Variants in CEP192 observed in about 807,000 individuals in gnomAD.
CEP192 encodes the protein centrosomal protein of 192 kDa.
CEP192 carries 151 observed loss-of-function variants against 271.8 expected under a neutral mutation model. The observed-to-expected ratio is 0.56, with a 90% confidence interval of 0.49 to 0.64. CEP192 has a LOEUF of 0.64. CEP192 is among the 30% of genes least tolerant of loss of function. CEP192 has a pLI of 0.00. For missense variants in CEP192, 2,910 were observed against 3,020.5 expected (o/e 0.96, Z 0.86); for synonymous variants, 995 against 1,076.5 (o/e 0.92, Z 1.48).
intron 19 of CEP192, 97 bp from the exon 20 acceptor site, chr18:13,057,488 A>C: frequency 1.5e-6 from 2 of 1,361,854 alleles, no homozygotes; most frequent in Non-Finnish European, 1.0e-6. Flanking sequence ...CTGTGTAAAC[A>C]GGCCATCTTA....
chr18:13,010,653 C>G (rs1439886838), intron 4 of CEP192, among the ~76,000 whole-genome samples: 1 of 152,096 alleles, frequency 6.6e-6, no homozygotes, highest in Non-Finnish European at 1.5e-5. Context: ...TCAAGACCAG[C>G]CTGACCAACA....
At chr18:13,002,353 C>G (rs7243977) in intron 3 of CEP192, among the ~76,000 whole-genome samples, 20,699 of 151,920 alleles carry the variant, frequency 0.14, 2,176 homozygotes, top group African/African-American at 0.29. Flanking sequence ...GTATTATGTT[C>G]AGTTTTCAAT....
chr18:13,078,811 T>C (rs1265639130), intron 30 of CEP192, among the ~76,000 whole-genome samples: 1 of 152,084 alleles, frequency 6.6e-6, no homozygotes, highest in African/African-American at 2.4e-5. Flanking sequence ...CAGGCCCCCA[T>C]GTGTGTGATG....
intron 40 of CEP192, among the ~76,000 whole-genome samples, chr18:13,109,837 G>A (rs897542598): frequency 2.0e-5 from 3 of 152,106 alleles, no homozygotes; most frequent in Admixed American, 1.3e-4. Context: ...AATTTTACAC[G>A]AAAAGCATTT....
chr18:13,084,347 C>G (rs1223639107), intron 30 of CEP192, among the ~76,000 whole-genome samples: 2 of 152,172 alleles, frequency 1.3e-5, no homozygotes, highest in African/African-American at 4.8e-5. Flanking sequence ...CCCCTCCCCC[C>G]GTCAGGCTAC....
At chr18:13,035,807 C>T (rs569905046) in intron 11 of CEP192, among the ~76,000 whole-genome samples, 1 of 152,294 alleles carries the variant, frequency 6.6e-6, no homozygotes, top group South Asian at 2.1e-4. Flanking sequence ...CTTCATGGTT[C>T]TCCTGATGCT....
chr18:13,103,612 TA>T, intron 39 of CEP192, 24 bp downstream of exon 39: 6 of 1,525,766 alleles, frequency 3.9e-6, no homozygotes, highest in Non-Finnish European at 5.5e-6. Context: ...GCCTCAGATA[TA>T]ATCGTTTTAA....
intron 6 of CEP192, 42 bp downstream of exon 6, chr18:13,015,490 C>T: frequency 1.9e-6 from 3 of 1,541,932 alleles, no homozygotes; most frequent in Non-Finnish European, 2.6e-6. Context: ...TTCACCTTGC[C>T]ACTCCACTTT....
At chr18:13,119,040 G>A (rs1276429334) in intron 44 of CEP192, among the ~76,000 whole-genome samples, 5 of 152,158 alleles carry the variant, frequency 3.3e-5, no homozygotes, top group Admixed American at 6.5e-5. Context: ...TCCAGTTATT[G>A]TAGGCTGCCC....
intron 30 of CEP192, among the ~76,000 whole-genome samples, chr18:13,084,128 T>G (rs183153113): frequency 6.6e-6 from 1 of 152,164 alleles, no homozygotes; most frequent in African/African-American, 2.4e-5. Flanking sequence ...TCAAACGTCA[T>G]GCTGGGAGAA....
At chr18:13,014,069 T>C (rs931524918) in intron 5 of CEP192, among the ~76,000 whole-genome samples, 1 of 152,216 alleles carries the variant, frequency 6.6e-6, no homozygotes, top group Non-Finnish European at 1.5e-5. Context: ...GTGACAGAGA[T>C]TGTACTGCTC....
chr18:12,994,092 T>C (rs930125698), intron 1 of CEP192, among the ~76,000 whole-genome samples: 1 of 152,204 alleles, frequency 6.6e-6, no homozygotes, highest in Non-Finnish European at 1.5e-5. Flanking sequence ...TGCTGTGTGC[T>C]AGGCATTGTT....
In CEP192 at chr18:13,066,963, C is replaced by CTGTGTGTGTGTGTGTG. The variant is rs56795701; in HGVS notation, c.4489-847_4489-832dup. Among the ~76,000 whole-genome samples, 83 of 143,506 alleles carry CTGTGTGTGTGTGTGTG rather than the reference C, an allele frequency of 5.8e-4. 1 individual carries two copies. The highest frequency in any genetic ancestry group is 1.8e-3 in the African/African-American group (70 of 38,100). The allele number at this position is 143,506 out of a possible 152,430, so 94.1% of individuals were successfully genotyped here. ...AGAGCAAAACAAAATGTGAGCACGT[C>CTGTGTGTGTGTGTGTG]TGTGTGTGTGTGTGTGTGTGTGTGT... On this transcript the variant is annotated intron_variant, in intron 21 of 44. Transcript: ENST00000506447.
chr18:13,059,443 G>C (rs999632648), intron 21 of CEP192, 131 bp downstream of exon 21: 2 of 651,494 alleles, frequency 3.1e-6, no homozygotes, highest in Non-Finnish European at 5.3e-6. Context: ...GCTGAACTTT[G>C]GTTCTTAATA....
intron 22 of CEP192, 33 bp from the exon 23 acceptor site, chr18:13,068,061 C>T (rs1397161236): frequency 1.9e-6 from 3 of 1,611,326 alleles, no homozygotes; most frequent in Admixed American, 3.3e-5. Flanking sequence ...ACACTGTTGG[C>T]TTTACTGAAC....
intron 2 of CEP192, 45 bp from the exon 3 acceptor site, chr18:13,001,412 G>GT: frequency 2.2e-6 from 3 of 1,347,968 alleles, no homozygotes; most frequent in Non-Finnish European, 3.1e-6. Flanking sequence ...ATTTAAATAT[G>GT]TGTAATTTAA....
At chr18:13,000,277 C>T (rs2033559997) in intron 2 of CEP192, 1 of 151,852 alleles carries the variant, frequency 6.6e-6, no homozygotes, top group African/African-American at 2.4e-5. Flanking sequence ...TTTTTTAATA[C>T]ACTGGTTTTA....
At position 13,077,329 on chromosome 18, in the gene CEP192, G is replaced by A. The variant is rs546903303; in HGVS notation, c.5616+4144G>A. 2.1e-4 allele frequency among the ~76,000 whole-genome samples: 32 copies of A among 152,246 alleles called. 1 individual carries two copies. In the Middle Eastern group the frequency reaches 0.017, roughly 81 times the overall value. Reference sequence around the variant, plus strand: ...TTGAGTGCCAACATGATGCTCAAAGGAAATGCTCTTTGGAGCATTTTGGAT... The same window carrying A: ...TTGAGTGCCAACATGATGCTCAAAGAAAATGCTCTTTGGAGCATTTTGGAT... On this transcript the variant is annotated intron_variant, in intron 30 of 44. Coordinates refer to ENST00000506447, the MANE Select transcript of CEP192 (RefSeq NM_032142.4).
At chr18:13,037,961 C>T (rs1426686197) in intron 12 of CEP192, among the ~76,000 whole-genome samples, 2 of 152,040 alleles carry the variant, frequency 1.3e-5, no homozygotes, top group African/African-American at 4.8e-5. Context: ...TTTGAAGATT[C>T]AAAATTTATG....
Sources: allele counts gnomAD v4.1 joint callset (sites outside exome capture counted in the v4.1 genomes callset), GRCh38; gene constraint gnomAD v4.1.1; transcripts MANE v1.5; gene names NCBI Gene and HGNC (gene_info 2026-07-23, HGNC 2026-07-21).